The following TBC1D22A variants were observed in gnomAD, a reference collection of about 807,000 sequenced individuals.
TBC1D22A encodes the protein putative GTPase activator.
TBC1D22A carries 38 observed loss-of-function variants against 60.2 expected under a neutral mutation model. That is an observed-to-expected ratio of 0.63 (90% CI 0.49 to 0.83). The LOEUF (loss-of-function observed/expected upper bound fraction) is 0.83, where lower values mean the gene tolerates loss of function less well. Among genes scored for constraint, TBC1D22A ranks in the 40% least tolerant of loss-of-function variants. The pLI is 0.00. For missense variants in TBC1D22A, 628 were observed against 701.0 expected (o/e 0.90, Z 1.18); for synonymous variants, 302 against 281.7 (o/e 1.07, Z -0.72).
At chr22:46,928,742 G>A (rs561417790) in intron 8 of TBC1D22A, among the ~76,000 whole-genome samples, 4 of 152,064 alleles carry the variant, frequency 2.6e-5, no homozygotes, top group African/African-American at 4.8e-5. Flanking sequence ...TTTTAAAATG[G>A]GCAAAGTGTT....
intron 6 of TBC1D22A, 97 bp from the exon 7 acceptor site, chr22:46,894,687 G>C: frequency 7.0e-7 from 1 of 1,435,406 alleles, no homozygotes; most frequent in East Asian, 2.3e-5. Context: ...GTAGAGGCCG[G>C]GGAAGGACTT....
At chr22:47,011,852 A>G (rs2061762405) in intron 10 of TBC1D22A, among the ~76,000 whole-genome samples, 1 of 152,172 alleles carries the variant, frequency 6.6e-6, no homozygotes, top group Admixed American at 6.5e-5. Flanking sequence ...TTACCAGTGC[A>G]GCCTATGCTG....
chr22:46,954,929 T>C (rs2073107758), intron 8 of TBC1D22A, among the ~76,000 whole-genome samples: 1 of 152,234 alleles, frequency 6.6e-6, no homozygotes, highest in Non-Finnish European at 1.5e-5. Flanking sequence ...GGGTTATCCT[T>C]GTGATATTTT....
intron 8 of TBC1D22A, among the ~76,000 whole-genome samples, chr22:46,921,490 T>C (rs1224164096): frequency 1.3e-5 from 2 of 152,258 alleles, no homozygotes; most frequent in East Asian, 3.8e-4. Context: ...AGTCCACCAT[T>C]GATGGACATT....
At chr22:46,907,107 C>T (rs75896512) in intron 7 of TBC1D22A, among the ~76,000 whole-genome samples, 21 of 151,540 alleles carry the variant, frequency 1.4e-4, no homozygotes, top group Non-Finnish European at 2.5e-4. Context: ...CACGTGTGTG[C>T]GCTCTTCTCC....
chr22:46,934,916 C>T (rs5767422), intron 8 of TBC1D22A, among the ~76,000 whole-genome samples: 1 of 152,164 alleles, frequency 6.6e-6, no homozygotes, highest in Admixed American at 6.5e-5. Context: ...GCCAGCTTGC[C>T]TGGTGAAGGG....
intron 11 of TBC1D22A, among the ~76,000 whole-genome samples, chr22:47,103,622 G>A (rs904195103): frequency 2.0e-5 from 3 of 152,152 alleles, no homozygotes; most frequent in Admixed American, 6.5e-5. Flanking sequence ...AGTGCAGAGA[G>A]GGCTGACGTG....
chr22:47,130,391 G>A (rs2066638649), intron 12 of TBC1D22A, among the ~76,000 whole-genome samples: 4 of 152,084 alleles, frequency 2.6e-5, no homozygotes, highest in Admixed American at 2.6e-4. Context: ...GTCCGGTAGA[G>A]CACACCCCTC....
intron 4 of TBC1D22A, among the ~76,000 whole-genome samples, chr22:46,863,486 C>G (rs1228069539): frequency 6.6e-6 from 1 of 152,146 alleles, no homozygotes; most frequent in Non-Finnish European, 1.5e-5. Context: ...TCTTTGATGC[C>G]ATTTCTTTCA....
At chr22:46,945,556 G>A (rs1602604165) in intron 8 of TBC1D22A, among the ~76,000 whole-genome samples, 2 of 152,236 alleles carry the variant, frequency 1.3e-5, no homozygotes, top group South Asian at 2.1e-4. Flanking sequence ...CTGTGCTGAC[G>A]GCATTTCTCG....
intron 8 of TBC1D22A, among the ~76,000 whole-genome samples, chr22:46,964,258 T>C (rs1203841228): frequency 6.6e-6 from 1 of 152,276 alleles, no homozygotes; most frequent in East Asian, 1.9e-4. Flanking sequence ...ATGATATAGG[T>C]ATCTGTCACT....
rs537601620 is a variant in TBC1D22A, at chr22:46,883,117, G to A, written c.708+4394G>A. Among the ~76,000 whole-genome samples, 5 of 152,136 alleles carry A rather than the reference G, an allele frequency of 3.3e-5. No homozygotes were observed. The East Asian group carries it at 7.7e-4, about 23-fold the overall frequency. On this transcript the variant is annotated intron_variant, in intron 5 of 12. Coordinates refer to ENST00000337137, the MANE Select transcript of TBC1D22A (RefSeq NM_014346.5). ...TTTTTTAAATAAGTATTTCAGAAAC[G>A]TGGCACAAAAACTACTTAAACATCG... is the stretch of plus-strand genomic sequence containing the variant.
At chr22:46,865,002 A>G (rs949559189) in intron 4 of TBC1D22A, among the ~76,000 whole-genome samples, 1 of 152,170 alleles carries the variant, frequency 6.6e-6, no homozygotes, top group African/African-American at 2.4e-5. Flanking sequence ...TCACCCAGCA[A>G]TACCTGTGGC....
At chr22:47,030,041 C>T (rs1195663695) in intron 10 of TBC1D22A, among the ~76,000 whole-genome samples, 1 of 152,206 alleles carries the variant, frequency 6.6e-6, no homozygotes, top group African/African-American at 2.4e-5. Context: ...CCAAACCATG[C>T]AAATGAGAAA....
intron 4 of TBC1D22A, among the ~76,000 whole-genome samples, chr22:46,836,771 T>C (rs1201578111): frequency 6.6e-6 from 1 of 152,068 alleles, no homozygotes; most frequent in East Asian, 1.9e-4. Context: ...AGGCTGAAAG[T>C]GAAGGGATAG....
chr22:47,049,176 A>G (rs1194194563), intron 11 of TBC1D22A, among the ~76,000 whole-genome samples: 7 of 152,218 alleles, frequency 4.6e-5, no homozygotes. Flanking sequence ...TCCAGGCCCT[A>G]CATGACCAGG....
At chr22:46,847,225 A>G (rs1357745847) in intron 4 of TBC1D22A, among the ~76,000 whole-genome samples, 2 of 152,202 alleles carry the variant, frequency 1.3e-5, no homozygotes, top group African/African-American at 2.4e-5. Context: ...AGATTCCCAC[A>G]TAGGAGAAAT....
chr22:47,012,727 G>A (rs1484631685), intron 10 of TBC1D22A, among the ~76,000 whole-genome samples: 1 of 152,202 alleles, frequency 6.6e-6, no homozygotes, highest in Non-Finnish European at 1.5e-5. Flanking sequence ...CTTCAGGTAG[G>A]ACCACACTTC....
chr22:47,116,405 C>T (rs374104675), intron 12 of TBC1D22A: 9 of 152,380 alleles, frequency 5.9e-5, no homozygotes, highest in South Asian at 2.1e-4. Flanking sequence ...GAGGAGGCCT[C>T]GGCAGCTGAG....
Sources: gnomAD v4.1 joint callset for allele counts (sites outside exome capture counted in the v4.1 genomes callset) on GRCh38, gnomAD v4.1.1 for gene constraint, MANE v1.5 for transcripts, NCBI Gene and HGNC (gene_info 2026-07-23, HGNC 2026-07-21) for gene names.